PXDNL: variants seen among roughly 807,000 people sequenced by gnomAD.
The protein encoded by PXDNL is peroxidasin like.
A neutral mutation model predicts 150.8 loss-of-function variants in PXDNL; 145 were observed. The observed-to-expected ratio is 0.96, with a 90% CI of 0.84 to 1.10. The LOEUF is 1.10. PXDNL is among the 50% of genes least tolerant of loss of function. PXDNL has a pLI of 0.00. For synonymous variants in PXDNL, 757 were observed against 725.7 expected, an observed-to-expected ratio of 1.04 and a Z score of -0.69; for missense variants, 2,087 against 1,873.9, an observed-to-expected ratio of 1.11 and a Z score of -2.10.
chr8:51,520,306 A>T (rs1487114545), intron 4 of PXDNL, among the ~76,000 whole-genome samples: 3 of 152,110 alleles, frequency 2.0e-5, no homozygotes, highest in Non-Finnish European at 4.4e-5. Flanking sequence ...CCTCAGAAAA[A>T]TAAGTAAAAG....
chr8:51,626,086 T>C (rs56979620), intron 2 of PXDNL, among the ~76,000 whole-genome samples: 6,822 of 152,300 alleles, frequency 0.045, 514 homozygotes, highest in African/African-American at 0.15. Context: ...ATGCTAAAAA[T>C]GTGCTAATCA....
Position 51,453,668 on chromosome 8 carries a change from T to G in PXDNL, c.1100A>C (p.Asn367Thr). 6.2e-7 allele frequency: 1 copy of G among 1,614,040 alleles called. No individual in the cohort carries two copies. Among genetic ancestry groups the G allele is most frequent in the Non-Finnish European group, 8.5e-7 (1 of 1,179,898 alleles). The change falls in exon 10 of 23, where the codon AAT (asparagine) becomes ACT (threonine). Residue 367 changes from asparagine (N) to threonine (T), a missense_variant. Physicochemically the swap from Asn to Thr is moderately conservative, Grantham distance 65 (BLOSUM62 0). Transcript: ENST00000356297. The part of the protein sequence containing the change: ...PHPLITWTRD[N>T]GLELDGSRHV... ...CCTGGATCCATCCAGCTCCAATCCATTGTCCCTGGTCCAAGTGATAAGAGG... is the reference window on the plus strand; with the variant it reads ...CCTGGATCCATCCAGCTCCAATCCAGTGTCCCTGGTCCAAGTGATAAGAGG...
chr8:51,756,445 T>C (rs1585725837), intron 1 of PXDNL, among the ~76,000 whole-genome samples: 1 of 151,246 alleles, frequency 6.6e-6, no homozygotes, highest in South Asian at 2.1e-4. Context: ...AAGAAATGCC[T>C]GAACCCACAC....
chr8:51,678,006 C>A lies in PXDNL; in HGVS notation c.165-23246G>T, dbSNP rs189889418. ...AAAGAGTTTGCAGGGCTTAAAATCA[C>A]ATAACTAAGAAGGGCCATAAAGATT... On this transcript the variant is annotated intron_variant, in intron 1 of 22. Coordinates refer to ENST00000356297, the MANE Select transcript of PXDNL (RefSeq NM_144651.5). Among the ~76,000 whole-genome samples, 17 of 152,272 alleles carry A rather than the reference C, an allele frequency of 1.1e-4. No homozygotes were observed. The East Asian group carries it at 2.9e-3, about 26-fold the overall frequency.
At chr8:51,776,088 G>A (rs967505581) in intron 1 of PXDNL, among the ~76,000 whole-genome samples, 17 of 152,122 alleles carry the variant, frequency 1.1e-4, no homozygotes, top group Non-Finnish European at 2.4e-4. Context: ...TTATTAGGAC[G>A]AAGAAATTCC....
intron 1 of PXDNL, among the ~76,000 whole-genome samples, chr8:51,783,959 T>C (rs2037438157): frequency 6.6e-6 from 1 of 152,172 alleles, no homozygotes; most frequent in African/African-American, 2.4e-5. Context: ...TGATTGTTCA[T>C]GTCTTCTGAA....
intron 1 of PXDNL, 83 bp from the exon 2 acceptor site, chr8:51,654,843 T>C: frequency 2.9e-6 from 3 of 1,028,854 alleles, no homozygotes; most frequent in Non-Finnish European, 4.5e-6. Flanking sequence ...AGGCTAAATC[T>C]CCTTTTATGA....
At chr8:51,551,069 G>A (rs1389481327) in intron 4 of PXDNL, among the ~76,000 whole-genome samples, 1 of 148,644 alleles carries the variant, frequency 6.7e-6, no homozygotes, top group Non-Finnish European at 1.5e-5. Flanking sequence ...TACAACAGCT[G>A]AAAAACAACA....
chr8:51,729,360 C>CA (rs1243386407), intron 1 of PXDNL, among the ~76,000 whole-genome samples: 1 of 152,178 alleles, frequency 6.6e-6, no homozygotes, highest in East Asian at 1.9e-4. Flanking sequence ...AACACCTCAC[C>CA]AAAGAAGATA....
intron 1 of PXDNL, among the ~76,000 whole-genome samples, chr8:51,767,790 C>T (rs2037247910): frequency 6.6e-6 from 1 of 152,212 alleles, no homozygotes; most frequent in Admixed American, 6.5e-5. Flanking sequence ...CTCTTGTTTG[C>T]CCTAACTTGT....
intron 1 of PXDNL, among the ~76,000 whole-genome samples, chr8:51,706,947 A>G (rs895466065): frequency 4.1e-5 from 2 of 49,204 alleles, no homozygotes; most frequent in Non-Finnish European, 8.0e-5. Flanking sequence ...GGTTTTCAGC[A>G]GAAAAAAAAT....
chr8:51,562,716 C>T (rs1380157979), intron 3 of PXDNL, among the ~76,000 whole-genome samples: 1 of 151,808 alleles, frequency 6.6e-6, no homozygotes, highest in Non-Finnish European at 1.5e-5. Flanking sequence ...GAGTCTGTAC[C>T]CTCATTTCCT....
chr8:51,744,410 G>A (rs1195701755), intron 1 of PXDNL, among the ~76,000 whole-genome samples: 2 of 151,274 alleles, frequency 1.3e-5, no homozygotes, highest in African/African-American at 4.9e-5. Context: ...GCTCACACCT[G>A]TAACCCCAAC....
intron 3 of PXDNL, among the ~76,000 whole-genome samples, chr8:51,562,834 C>T (rs1321442756): frequency 6.6e-6 from 1 of 151,908 alleles, no homozygotes; most frequent in Non-Finnish European, 1.5e-5. Context: ...TAAAACTAAC[C>T]TGACAAATCA....
chr8:51,568,081 C>A (rs1309600103), intron 3 of PXDNL, among the ~76,000 whole-genome samples: 1 of 151,632 alleles, frequency 6.6e-6, no homozygotes, highest in Non-Finnish European at 1.5e-5. Flanking sequence ...CCTGTCATTC[C>A]ACTTATCCAT....
chr8:51,559,785 A>G (rs1376064709), intron 3 of PXDNL, among the ~76,000 whole-genome samples: 1 of 151,972 alleles, frequency 6.6e-6, no homozygotes, highest in Non-Finnish European at 1.5e-5. Context: ...GGGAGAAAGC[A>G]CCTTGCTAGC....
chr8:51,643,565 T>C (rs76974497), intron 2 of PXDNL, among the ~76,000 whole-genome samples: 59,533 of 152,012 alleles, frequency 0.39, 14,407 homozygotes, highest in African/African-American at 0.69. Context: ...AAGACTTAAA[T>C]GTTAGACCTA....
At chr8:51,373,706 G>A (rs759444038) in intron 18 of PXDNL, among the ~76,000 whole-genome samples, 91 of 152,086 alleles carry the variant, frequency 6.0e-4, no homozygotes, top group Admixed American at 1.3e-3. Context: ...TAAGCTCTGG[G>A]CTTTGTTTCA....
intron 12 of PXDNL, among the ~76,000 whole-genome samples, chr8:51,443,191 T>C (rs1237409587): frequency 6.6e-6 from 1 of 152,208 alleles, no homozygotes; most frequent in Non-Finnish European, 1.5e-5. Context: ...ACTAATTTTA[T>C]TCATTGCTTA....
Sources: allele counts gnomAD v4.1 joint callset (sites outside exome capture counted in the v4.1 genomes callset), GRCh38; gene constraint gnomAD v4.1.1; transcripts MANE v1.5; gene names NCBI Gene and HGNC (gene_info 2026-07-23, HGNC 2026-07-21).